Variants in TMEM132C observed in about 807,000 individuals in gnomAD.
The protein encoded by TMEM132C is protein phosphatase 1, regulatory subunit 152.
A neutral mutation model predicts 61.4 loss-of-function variants in TMEM132C; 29 were observed. The ratio of observed to expected loss-of-function variants is 0.47; its 90% CI spans 0.35 to 0.64. The LOEUF (loss-of-function observed/expected upper bound fraction) is 0.64. Ranked by LOEUF, TMEM132C falls within the 30% of genes least tolerant of loss-of-function variation. The pLI is 0.00. For synonymous variants in TMEM132C, 656 were observed against 633.1 expected, an observed-to-expected ratio of 1.04 and a Z score of -0.54; for missense variants, 1,408 against 1,476.9, an observed-to-expected ratio of 0.95 and a Z score of 0.76.
At position 128,506,701 on chromosome 12, in the gene TMEM132C, A is replaced by G. The variant is rs374076751; in HGVS notation, c.975-37256A>G. Among the ~76,000 whole-genome samples the G allele has an allele frequency of 2.0e-5, 3 of 152,204 alleles. No individual in the cohort carries two copies. In the East Asian group the frequency reaches 5.8e-4, roughly 29 times the overall value. ...TCTGTTGGTAATGCCCGGCCTCCCC[A>G]TGCACCATCCCAGTGGCTCCCATGC... On this transcript the variant is annotated intron_variant, in intron 2 of 8. Coordinates refer to ENST00000435159, the MANE Select transcript of TMEM132C (RefSeq NM_001136103.3).
At chr12:128,509,454 G>A (rs1340256079) in intron 2 of TMEM132C, among the ~76,000 whole-genome samples, 1 of 152,226 alleles carries the variant, frequency 6.6e-6, no homozygotes, top group African/African-American at 2.4e-5. Context: ...CATTCTTAGT[G>A]TGCTCAGTAA....
At chr12:128,343,197 G>T (rs570896474) in intron 1 of TMEM132C, among the ~76,000 whole-genome samples, 1 of 152,242 alleles carries the variant, frequency 6.6e-6, no homozygotes, top group South Asian at 2.1e-4. Flanking sequence ...AGGCCGAGAC[G>T]GGTGGATCAC....
chr12:128,415,609 C>A lies in TMEM132C; in HGVS notation c.963C>A (p.Leu321=). 1 of 1,529,570 alleles carries A rather than the reference C, an allele frequency of 6.5e-7. No homozygotes were observed. The highest frequency in any genetic ancestry group is 1.2e-5 in the South Asian group (1 of 80,868). The allele number at this position is 1,529,570 out of a possible 1,614,324, so 94.7% of individuals were successfully genotyped here. A position where few individuals can be genotyped will look rare whatever the true frequency, so the allele number is the denominator to read the frequency against. The change falls in exon 2 of 9, where the codon CTC becomes CTA. Residue 321 remains leucine (L), a synonymous_variant. Coordinates refer to ENST00000435159, the MANE Select transcript of TMEM132C (RefSeq NM_001136103.3). This position sits in a 1 kb window ranked among gnomAD's most constrained non-coding sequence, Gnocchi z 5.8. Reference sequence around the variant, plus strand: ...TCTCGAGCAATTCCTCTGTGGACCTCTTCATCTTGAGGTAGGTGCCCATGC... The same window carrying A: ...TCTCGAGCAATTCCTCTGTGGACCTATTCATCTTGAGGTAGGTGCCCATGC... ...VTISSNSSVD[L]FILRAKVKKG... is the part of the protein sequence containing the mutation.
intron 8 of TMEM132C, among the ~76,000 whole-genome samples, chr12:128,702,583 A>G (rs959411042): frequency 6.6e-6 from 1 of 152,142 alleles, no homozygotes; most frequent in Admixed American, 6.5e-5. Flanking sequence ...TTGTATCATG[A>G]GCACCTCTTG....
chr12:128,475,471 A>G (rs535921408), intron 2 of TMEM132C, among the ~76,000 whole-genome samples: 3 of 152,304 alleles, frequency 2.0e-5, no homozygotes, highest in South Asian at 4.1e-4. Context: ...ATGTTCTGGA[A>G]TTAAATAATA....
chr12:128,700,544 C>T (rs1445671090), intron 8 of TMEM132C, among the ~76,000 whole-genome samples: 3 of 152,126 alleles, frequency 2.0e-5, no homozygotes, highest in South Asian at 2.1e-4. Context: ...ATGTCAGCCA[C>T]GATGAACTTG....
At chr12:128,492,667 T>A (rs879349392) in intron 2 of TMEM132C, among the ~76,000 whole-genome samples, 7 of 152,242 alleles carry the variant, frequency 4.6e-5, no homozygotes, top group Non-Finnish European at 8.8e-5. Context: ...AAGTGTCTGT[T>A]CATATCCTTT....
chr12:128,512,147 A>G (rs1872586214), intron 2 of TMEM132C, among the ~76,000 whole-genome samples: 1 of 152,084 alleles, frequency 6.6e-6, no homozygotes, highest in Non-Finnish European at 1.5e-5. Context: ...ATAAAGCTCA[A>G]AAATCATAAC....
At chr12:128,477,885 C>A (rs927106977) in intron 2 of TMEM132C, among the ~76,000 whole-genome samples, 1 of 152,154 alleles carries the variant, frequency 6.6e-6, no homozygotes, top group African/African-American at 2.4e-5. Flanking sequence ...GCCAGCTGGG[C>A]AGGCACCTTT....
chr12:128,555,387 G>A (rs1321013306), intron 3 of TMEM132C, among the ~76,000 whole-genome samples: 2 of 152,184 alleles, frequency 1.3e-5, no homozygotes, highest in African/African-American at 4.8e-5. Flanking sequence ...CAGACCAACT[G>A]CCTTCTGTAA....
chr12:128,496,774 C>T (rs896691015), intron 2 of TMEM132C, among the ~76,000 whole-genome samples: 4 of 152,170 alleles, frequency 2.6e-5, no homozygotes, highest in Non-Finnish European at 4.4e-5. Flanking sequence ...GCTTTGGGTT[C>T]GAACTTCTTC....
intron 2 of TMEM132C, among the ~76,000 whole-genome samples, chr12:128,475,446 T>G (rs1382029468): frequency 1.3e-5 from 2 of 152,112 alleles, no homozygotes; most frequent in Non-Finnish European, 2.9e-5. Context: ...GCGGTTGCAC[T>G]TGGGGTGATA....
intron 2 of TMEM132C, among the ~76,000 whole-genome samples, chr12:128,426,247 T>C (rs1399504824): frequency 6.6e-6 from 1 of 152,246 alleles, no homozygotes; most frequent in Non-Finnish European, 1.5e-5. Flanking sequence ...CATGCCGTTA[T>C]AGCTTCATTT....
At chr12:128,373,650 C>G (rs566498967) in intron 1 of TMEM132C, among the ~76,000 whole-genome samples, 1 of 152,246 alleles carries the variant, frequency 6.6e-6, no homozygotes, top group East Asian at 1.9e-4. Context: ...ACTGGGTGAT[C>G]CAGGAAGATC....
chr12:128,662,952 G>A (rs180980978), intron 4 of TMEM132C, among the ~76,000 whole-genome samples: 1 of 152,122 alleles, frequency 6.6e-6, no homozygotes, highest in South Asian at 2.1e-4. Flanking sequence ...CATGTCCAGG[G>A]TCAGTCAGCT....
At chr12:128,665,876 T>C (rs1387549777) in intron 4 of TMEM132C, among the ~76,000 whole-genome samples, 5 of 82,340 alleles carry the variant, frequency 6.1e-5, no homozygotes, top group Admixed American at 2.7e-4. Context: ...CAGGCACACG[T>C]ACCCATAAAC....
intron 1 of TMEM132C, among the ~76,000 whole-genome samples, chr12:128,364,426 C>G (rs7969042): frequency 6.6e-6 from 1 of 152,050 alleles, no homozygotes; most frequent in Non-Finnish European, 1.5e-5. Context: ...CCTCGGGGGA[C>G]CCGTCGCTCA....
intron 4 of TMEM132C, among the ~76,000 whole-genome samples, chr12:128,663,903 C>T (rs62635315): frequency 0.5 from 69,666 of 138,914 alleles, 16,951 homozygotes; most frequent in East Asian, 0.59. Flanking sequence ...CCCACATGCA[C>T]GCACACAGGC....
At position 128,680,696 on chromosome 12, in the gene TMEM132C, A is replaced by G. The variant is rs562651088; in HGVS notation, c.1449+11136A>G. Among the ~76,000 whole-genome samples the G allele has an allele frequency of 3.6e-4, 55 of 152,356 alleles. 2 individuals carry two copies. The South Asian group carries it at 0.011, about 30-fold the overall frequency. On this transcript the variant is annotated intron_variant, in intron 5 of 8. Transcript: ENST00000435159. ...GGAGCTATGCCACACATTCGTTCCTAGGAAAGGTTGATGGATAAACCTTTT... is the reference window on the plus strand; with the variant it reads ...GGAGCTATGCCACACATTCGTTCCTGGGAAAGGTTGATGGATAAACCTTTT...
Sources: gnomAD v4.1 joint callset for allele counts (sites outside exome capture counted in the v4.1 genomes callset) on GRCh38, gnomAD v4.1.1 for gene constraint, Gnocchi (gnomAD v3.1) non-coding constraint, MANE v1.5 for transcripts, NCBI Gene and HGNC (gene_info 2026-07-23, HGNC 2026-07-21) for gene names.